Variants in MTUS2 observed in about 807,000 individuals in gnomAD.
MTUS2 encodes microtubule-associated tumor suppressor candidate 2.
Under a neutral mutation model 114.1 loss-of-function variants are expected in MTUS2, and 40 were observed. The observed-to-expected ratio is 0.35, with a 90% CI of 0.27 to 0.46. The LOEUF (loss-of-function observed/expected upper bound fraction) is 0.46, where lower values mean the gene tolerates loss of function less well. Among genes scored for constraint, MTUS2 ranks in the 20% least tolerant of loss-of-function variants. The pLI, the probability that MTUS2 is intolerant of heterozygous loss-of-function variation, is 1.00. For synonymous variants in MTUS2, 688 were observed against 672.0 expected, an observed-to-expected ratio of 1.02 and a Z score of -0.37; for missense variants, 1,679 against 1,705.4, an observed-to-expected ratio of 0.98 and a Z score of 0.27.
chr13:29,310,385 G>T (rs183982182), intron 6 of MTUS2, among the ~76,000 whole-genome samples: 3 of 152,028 alleles, frequency 2.0e-5, no homozygotes, highest in Non-Finnish European at 4.4e-5. Context: ...ATTGATATTC[G>T]TAATTACCAC....
rs1882420489 is a variant in MTUS2 at position 28,944,595 on chromosome 13, A to G, written c.-242-79862A>G. Among the ~76,000 whole-genome samples the G allele has an allele frequency of 6.6e-5, 10 of 152,298 alleles. No individual in the cohort carries two copies. The South Asian group carries it at 2.1e-3, about 32-fold the overall frequency. Reference sequence around the variant, plus strand: ...TATTCTATTGCTCTTTCTTATGGTAATGTAACATTGCTTATTTATGCCACA... The same window carrying G: ...TATTCTATTGCTCTTTCTTATGGTAGTGTAACATTGCTTATTTATGCCACA... On this transcript the variant is annotated intron_variant, in intron 2 of 15. Transcript: ENST00000612955.
At chr13:28,846,427 C>T (rs1033223203) in intron 2 of MTUS2, among the ~76,000 whole-genome samples, 2 of 152,208 alleles carry the variant, frequency 1.3e-5, no homozygotes, top group Non-Finnish European at 2.9e-5. Flanking sequence ...TTAACATCCA[C>T]CAGGACATAC....
intron 2 of MTUS2, among the ~76,000 whole-genome samples, chr13:28,921,387 C>T (rs571873465): frequency 2.0e-5 from 3 of 152,306 alleles, no homozygotes; most frequent in Non-Finnish European, 2.9e-5. Flanking sequence ...TGTGGCTGAG[C>T]TGGTATCCAA....
At chr13:29,116,548 G>A (rs566018448) in intron 5 of MTUS2, among the ~76,000 whole-genome samples, 1 of 152,046 alleles carries the variant, frequency 6.6e-6, no homozygotes, top group African/African-American at 2.4e-5. Flanking sequence ...ACATACCTAG[G>A]ATCAAGTATG....
At chr13:29,244,230 C>T (rs867420977) in intron 5 of MTUS2, among the ~76,000 whole-genome samples, 6 of 152,092 alleles carry the variant, frequency 3.9e-5, no homozygotes, top group Middle Eastern at 3.2e-3. Flanking sequence ...GTTGGGGACA[C>T]ACAGTCCTAA....
chr13:29,411,344 A>G lies in MTUS2; in HGVS notation c.3118-28639A>G, dbSNP rs1875224563. ...TAAAATGTTTATCTTTGTCTCAGCG[A>G]TTTAAGATGCCAGCTTTATCTTATA... On this transcript the variant is annotated intron_variant, in intron 8 of 15. Transcript: ENST00000612955. Among the ~76,000 whole-genome samples, 4 of 152,194 alleles carry G rather than the reference A, an allele frequency of 2.6e-5. No homozygotes were observed. In the South Asian group the frequency reaches 8.3e-4, roughly 32 times the overall value.
In MTUS2 at chr13:29,505,340, G is replaced by A. The variant is rs576530328; in HGVS notation, c.*2134G>A. The A allele has an allele frequency of 8.6e-6, 2 of 231,810 alleles. No individual in the cohort carries two copies. The highest frequency in any genetic ancestry group is 3.6e-4 in the South Asian group (2 of 5,508). The allele number at this position is 231,810 out of a possible 1,614,324, so 14.4% of individuals were successfully genotyped here. ...GTATTAGGCTGCTGTGGTCAGAGTT[G>A]TAGCATCGTTAGCACTAAGTAATTC... On this transcript the variant is annotated 3_prime_UTR_variant, in exon 16 of 16. Transcript: ENST00000612955.
intron 5 of MTUS2, among the ~76,000 whole-genome samples, chr13:29,127,265 T>C (rs1418705003): frequency 2.6e-5 from 4 of 152,128 alleles, no homozygotes; most frequent in Non-Finnish European, 5.9e-5. Context: ...CCCCTCTGGG[T>C]TGGTCAGTTT....
chr13:29,203,916 C>A (rs1375080118), intron 5 of MTUS2, among the ~76,000 whole-genome samples: 1 of 152,100 alleles, frequency 6.6e-6, no homozygotes, highest in Non-Finnish European at 1.5e-5. Flanking sequence ...GCAGAAATCA[C>A]CCACCCTCTG....
At chr13:28,918,707 G>T (rs1230439682) in intron 2 of MTUS2, among the ~76,000 whole-genome samples, 1 of 151,858 alleles carries the variant, frequency 6.6e-6, no homozygotes, top group Non-Finnish European at 1.5e-5. Flanking sequence ...GCTTACTCTT[G>T]CTATTTTGCT....
intron 8 of MTUS2, among the ~76,000 whole-genome samples, chr13:29,385,142 C>T (rs1201320604): frequency 6.6e-6 from 1 of 152,226 alleles, no homozygotes; most frequent in Non-Finnish European, 1.5e-5. Flanking sequence ...TCAGAAGCAT[C>T]ATAAGGCTGG....
intron 5 of MTUS2, among the ~76,000 whole-genome samples, chr13:29,105,780 T>C (rs1890639785): frequency 6.8e-6 from 1 of 147,224 alleles, no homozygotes; most frequent in African/African-American, 2.5e-5. Flanking sequence ...TTTCGGAGCC[T>C]GAAAAGTGTC....
chr13:29,154,307 A>C (rs1471439965), intron 5 of MTUS2, among the ~76,000 whole-genome samples: 1 of 152,226 alleles, frequency 6.6e-6, no homozygotes, highest in Non-Finnish European at 1.5e-5. Flanking sequence ...GTTACTCTTC[A>C]GTTTTAAAAT....
chr13:28,834,814 C>T (rs1593232481), intron 1 of MTUS2, among the ~76,000 whole-genome samples: 2 of 152,132 alleles, frequency 1.3e-5, no homozygotes, highest in East Asian at 1.9e-4. Flanking sequence ...AAAATGATTT[C>T]ATTCAGCAGT....
chr13:29,368,234 A>G (rs994946363), intron 8 of MTUS2, among the ~76,000 whole-genome samples: 11 of 151,900 alleles, frequency 7.2e-5, no homozygotes, highest in Non-Finnish European at 1.3e-4. Flanking sequence ...CACTGCACCC[A>G]GCCCCAGAAT....
chr13:28,950,769 G>A (rs1035690063), intron 2 of MTUS2, among the ~76,000 whole-genome samples: 15 of 152,160 alleles, frequency 9.9e-5, no homozygotes, highest in African/African-American at 3.6e-4. Flanking sequence ...ACAGATCACT[G>A]TAACAGATAT....
At chr13:29,060,327 C>A (rs1333948322) in intron 4 of MTUS2, among the ~76,000 whole-genome samples, 6 of 152,126 alleles carry the variant, frequency 3.9e-5, no homozygotes, top group Admixed American at 3.3e-4. Flanking sequence ...GGGGATTCTT[C>A]TGTTCCCAGT....
At chr13:29,043,422 T>C (rs1480721508) in intron 4 of MTUS2, among the ~76,000 whole-genome samples, 3 of 152,142 alleles carry the variant, frequency 2.0e-5, no homozygotes, top group African/African-American at 7.2e-5. Flanking sequence ...GGGTAGAATG[T>C]TCTGTAAATA....
chr13:29,288,119 A>T (rs1468289871), intron 6 of MTUS2, among the ~76,000 whole-genome samples: 1 of 152,094 alleles, frequency 6.6e-6, no homozygotes, highest in African/African-American at 2.4e-5. Context: ...TGCCTGGGAA[A>T]CCTCCATCTA....
Sources: gnomAD v4.1 joint callset for allele counts (sites outside exome capture counted in the v4.1 genomes callset) on GRCh38, gnomAD v4.1.1 for gene constraint, MANE v1.5 for transcripts, NCBI Gene and HGNC (gene_info 2026-07-23, HGNC 2026-07-21) for gene names.